Variants in TNRC6B observed in about 807,000 individuals in gnomAD.
The protein encoded by TNRC6B is trinucleotide repeat containing adaptor 6B, also known as trinucleotide repeat-containing gene 6B protein.
A neutral mutation model predicts 203.6 loss-of-function variants in TNRC6B; 52 were observed. The observed-to-expected ratio is 0.26, with a 90% CI of 0.20 to 0.32. TNRC6B has a LOEUF of 0.32. Among genes scored for constraint, TNRC6B ranks in the 10% least tolerant of loss-of-function variants. The pLI is 1.00. For missense variants in TNRC6B, 1,923 were observed against 2,286.2 expected (o/e 0.84, Z 3.24); for synonymous variants, 838 against 845.7 (o/e 0.99, Z 0.16).
At chr22:40,200,278 CTTTTTTTTTTTTTTT>C (rs59067007) in intron 1 of TNRC6B, among the ~76,000 whole-genome samples, 1 of 75,510 alleles carries the variant, frequency 1.3e-5, no homozygotes, top group Non-Finnish European at 2.3e-5. Flanking sequence ...AAGTAATATT[CTTTTTTTTTTTTTTT>C]TTTTTTTTTG....
At chr22:40,142,377 T>C (rs1207097554) in intron 3 of TNRC6B, among the ~76,000 whole-genome samples, 1 of 152,134 alleles carries the variant, frequency 6.6e-6, no homozygotes, top group Non-Finnish European at 1.5e-5. Flanking sequence ...ATTTTAACTC[T>C]TGAGATTCTG....
At chr22:40,052,172 A>G (rs1846394261) in intron 1 of TNRC6B, among the ~76,000 whole-genome samples, 1 of 152,210 alleles carries the variant, frequency 6.6e-6, no homozygotes, top group Non-Finnish European at 1.5e-5. Context: ...CCCAAGATCA[A>G]AGGGGGACCC....
intron 1 of TNRC6B, among the ~76,000 whole-genome samples, chr22:40,197,968 G>A (rs1205794799): frequency 2.0e-5 from 3 of 151,954 alleles, no homozygotes; most frequent in Non-Finnish European, 4.4e-5. Context: ...ATCACTGAAT[G>A]GTTAAAAAGT....
At chr22:40,092,840 T>A (rs2068160673) in intron 1 of TNRC6B, among the ~76,000 whole-genome samples, 1 of 152,192 alleles carries the variant, frequency 6.6e-6, no homozygotes, top group African/African-American at 2.4e-5. Flanking sequence ...GTAAGTGTAA[T>A]GTAAATGTAA....
rs550281351 is a variant in TNRC6B, at chr22:40,111,215, C to T, written c.-120-5840C>T. Among the ~76,000 whole-genome samples, 5 of 152,330 alleles carry T rather than the reference C, an allele frequency of 3.3e-5. No individual in the cohort carries two copies. The East Asian group carries it at 9.6e-4, about 29-fold the overall frequency. ...CAGGTGCAAACAGCACGTTCAACGGCACGCGAAACCACGTGGTGCTCAAGG... is the reference window on the plus strand; with the variant it reads ...CAGGTGCAAACAGCACGTTCAACGGTACGCGAAACCACGTGGTGCTCAAGG... On this transcript the variant is annotated intron_variant, in intron 1 of 23. Transcript: ENST00000301923.
intron 1 of TNRC6B, among the ~76,000 whole-genome samples, chr22:40,111,711 G>A (rs568425876): frequency 5.9e-5 from 9 of 152,188 alleles, no homozygotes; most frequent in Non-Finnish European, 1.2e-4. Context: ...GCTGCATCAG[G>A]CAGTTATGTA....
Position 40,122,451 on chromosome 22 carries a change from T to C in TNRC6B, c.-46-3321T>C, listed in dbSNP as rs138534325. 4.2e-3 allele frequency among the ~76,000 whole-genome samples: 633 copies of C among 152,202 alleles called. 6 individuals are homozygous for C. Among genetic ancestry groups the C allele is most frequent in the Middle Eastern group, 0.017 (5 of 294 alleles). ...TTCATAATAACACAGACTGACCTAC[T>C]CACGGGTAGTTGTGAGGGTCCTGTG... On this transcript the variant is annotated intron_variant, in intron 2 of 23. Coordinates refer to the TNRC6B transcript ENST00000301923.
intron 3 of TNRC6B, among the ~76,000 whole-genome samples, chr22:40,144,676 GAAAA>G (rs34160632): frequency 1.0e-5 from 1 of 97,314 alleles, no homozygotes. Flanking sequence ...CTCCGTCTCG[GAAAA>G]AAAAAAAAAA....
At chr22:40,174,741 C>T (rs926779558), upstream of TNRC6B, among the ~76,000 whole-genome samples, 42 of 151,212 alleles carry the variant, frequency 2.8e-4, no homozygotes, top group African/African-American at 1.0e-3. Context: ...AGGAGAATGG[C>T]GTGAACCCGG....
At chr22:40,078,586 A>ATTAT (rs920908033) in intron 1 of TNRC6B, among the ~76,000 whole-genome samples, 3 of 150,146 alleles carry the variant, frequency 2.0e-5, no homozygotes, top group African/African-American at 7.6e-5. Context: ...TCTACTTTTT[A>ATTAT]TTATTTATTT....
At position 40,187,523 on chromosome 22, in the gene TNRC6B, G is replaced by A. The variant is rs2069219270; in HGVS notation, c.5+9383G>A. Among the ~76,000 whole-genome samples the A allele has an allele frequency of 4.6e-5, 7 of 152,150 alleles. No individual in the cohort carries two copies. The South Asian group carries it at 1.4e-3, about 31-fold the overall frequency. ...ACACTTAAAAACAGATCCAGCAGGA[G>A]GGGTGGGAGCGTTCCTGTTACTGTT... On this transcript the variant is annotated intron_variant, in intron 1 of 22. Coordinates refer to ENST00000454349, the MANE Select transcript of TNRC6B (RefSeq NM_001162501.2).
chr22:40,250,618 T>C (rs984852145), intron 2 of TNRC6B, among the ~76,000 whole-genome samples: 2 of 152,214 alleles, frequency 1.3e-5, no homozygotes, highest in Non-Finnish European at 2.9e-5. Flanking sequence ...ACAGCAGTCC[T>C]TTGCAGGGTT....
rs538146202 is a variant in TNRC6B at position 40,324,826 on chromosome 22, T to C, written c.*1585T>C. The C allele has an allele frequency of 2.0e-5, 3 of 152,730 alleles. No individual in the cohort carries two copies. Among genetic ancestry groups the C allele is most frequent in the Non-Finnish European group, 4.4e-5 (3 of 68,012 alleles). The allele number at this position is 152,730 out of a possible 1,614,324, so 9.5% of individuals were successfully genotyped here. ...TGATTTTTGACCTCTTCCCCCCACC[T>C]TGTAATTTTGCTTTTTTAATTTCGG... is the stretch of plus-strand genomic sequence containing the variant. On this transcript the variant is annotated 3_prime_UTR_variant, in exon 23 of 23. Transcript: ENST00000454349.
intron 1 of TNRC6B, among the ~76,000 whole-genome samples, chr22:40,096,906 C>T (rs530682569): frequency 6.6e-6 from 1 of 152,304 alleles, no homozygotes; most frequent in Non-Finnish European, 1.5e-5. Context: ...AATGTAGTAG[C>T]AGTGTGCTCC....
intron 2 of TNRC6B, among the ~76,000 whole-genome samples, chr22:40,125,012 CA>C (rs58332939): frequency 0.12 from 13,962 of 115,590 alleles, 1,829 homozygotes; most frequent in African/African-American, 0.35. Context: ...GACTGTGTCT[CA>C]AAAAAAAAAA....
intron 21 of TNRC6B, among the ~76,000 whole-genome samples, chr22:40,320,444 C>T (rs1419502201): frequency 1.3e-5 from 2 of 152,180 alleles, no homozygotes; most frequent in Non-Finnish European, 2.9e-5. Context: ...TGTGCCACTG[C>T]ACTCCAGCCT....
chr22:40,226,450 T>C (rs1401754855), intron 1 of TNRC6B, among the ~76,000 whole-genome samples: 1 of 152,150 alleles, frequency 6.6e-6, no homozygotes, highest in Admixed American at 6.5e-5. Context: ...CCACCTGCCG[T>C]CAGATCACTT....
At chr22:40,192,462 C>T (rs750808109) in intron 1 of TNRC6B, among the ~76,000 whole-genome samples, 1 of 152,120 alleles carries the variant, frequency 6.6e-6, no homozygotes, top group African/African-American at 2.4e-5. Flanking sequence ...ACTAAAAATA[C>T]AAAAATTAGC....
chr22:40,266,590 G>A lies in TNRC6B; in HGVS notation c.2360G>A (p.Gly787Asp). ...QNEIGTWGNG[G>D]NASLASKGGW... ...GAAATCGGGACTTGGGGTAATGGTG[G>A]CAATGCAAGCCTAGCTTCAAAAGGT... is the stretch of plus-strand genomic sequence containing the variant. Residue 787 changes from glycine (G) to aspartate (D), a missense_variant, in exon 5 of 23, where the codon GGC becomes GAC. Physicochemically the swap from Gly to Asp is moderately conservative, Grantham distance 94. Transcript: ENST00000454349. 6.2e-7 allele frequency: 1 copy of A among 1,612,850 alleles called. No homozygotes were observed. Among genetic ancestry groups the A allele is most frequent in the Non-Finnish European group, 8.5e-7 (1 of 1,179,246 alleles).
Sources: gnomAD v4.1 joint callset for allele counts (sites outside exome capture counted in the v4.1 genomes callset) on GRCh38, gnomAD v4.1.1 for gene constraint, MANE v1.5 for transcripts, NCBI Gene and HGNC (gene_info 2026-07-23, HGNC 2026-07-21) for gene names.